Variants in NUTF2 observed in about 807,000 individuals in gnomAD.
The protein encoded by NUTF2 is placental protein 15.
In NUTF2, 3 loss-of-function variants were observed where a neutral mutation model predicts 18.5. The observed-to-expected ratio is 0.16, with a 90% CI of 0.07 to 0.42. The LOEUF is 0.42. NUTF2 is among the 10% of genes least tolerant of loss of function. The pLI is 0.99. For missense variants in NUTF2, 44 were observed against 160.7 expected, an observed-to-expected ratio of 0.27 and a Z score of 3.93; for synonymous variants, 51 against 57.9, an observed-to-expected ratio of 0.88 and a Z score of 0.54.
chr16:67,852,676 T>G (rs1391867396), intron 1 of NUTF2, among the ~76,000 whole-genome samples: 1 of 151,514 alleles, frequency 6.6e-6, no homozygotes, highest in African/African-American at 2.4e-5. Flanking sequence ...TTTATTTTAT[T>G]TCTTTATTTT....
intron 1 of NUTF2, among the ~76,000 whole-genome samples, chr16:67,857,200 G>A (rs1281155371): frequency 6.6e-6 from 1 of 152,206 alleles, no homozygotes; most frequent in African/African-American, 2.4e-5. Context: ...GAGCTGTGTA[G>A]AAGGAATGGG....
chr16:67,860,463 A>G (rs973228261), intron 1 of NUTF2, among the ~76,000 whole-genome samples: 2 of 151,906 alleles, frequency 1.3e-5, no homozygotes, highest in Non-Finnish European at 2.9e-5. Context: ...TTTTGTAGAT[A>G]TGGGGCTTTG....
chr16:67,848,332 C>A (rs1468025751), intron 1 of NUTF2, among the ~76,000 whole-genome samples: 1 of 152,202 alleles, frequency 6.6e-6, no homozygotes, highest in Non-Finnish European at 1.5e-5. Flanking sequence ...CCTGCAATCC[C>A]AGCACTTTGG....
chr16:67,854,929 G>A (rs1467320585), intron 1 of NUTF2, among the ~76,000 whole-genome samples: 1 of 152,030 alleles, frequency 6.6e-6, no homozygotes, highest in African/African-American at 2.4e-5. Context: ...GCGACAAAGG[G>A]AGATCTCTGT....
intron 1 of NUTF2, among the ~76,000 whole-genome samples, chr16:67,856,545 G>C (rs187626167): frequency 2.1e-5 from 3 of 144,378 alleles, no homozygotes; most frequent in African/African-American, 7.8e-5. Flanking sequence ...TTTTGCTCTC[G>C]TTGCCCAGGC....
At chr16:67,867,589 C>A (rs1567385218) in intron 2 of NUTF2, among the ~76,000 whole-genome samples, 2 of 152,126 alleles carry the variant, frequency 1.3e-5, no homozygotes, top group African/African-American at 4.8e-5. Context: ...CTATCTCTCC[C>A]TGACCCCATG....
In NUTF2 at chr16:67,872,295, CT is replaced by C. The variant is rs1405623849; in HGVS notation, c.*1383del. ...TGACATGTAAAAGGATACCCTTCCC[CT>C]GTCCCACTACGGGTGGAGGCTAAGG... On this transcript the variant is annotated 3_prime_UTR_variant, in exon 5 of 5. Coordinates refer to ENST00000219169, the MANE Select transcript of NUTF2 (RefSeq NM_005796.3). 1 of 152,254 alleles carries C rather than the reference CT, an allele frequency of 6.6e-6. No homozygotes were observed. Among genetic ancestry groups the C allele is most frequent in the Admixed American group, 6.5e-5 (1 of 15,280 alleles). 9.4% of individuals were successfully genotyped at this position (152,254 alleles called of 1,614,324 possible).
chr16:67,857,483 AG>A (rs758736001), intron 1 of NUTF2, among the ~76,000 whole-genome samples: 94 of 152,124 alleles, frequency 6.2e-4, no homozygotes, highest in South Asian at 1.0e-3. Flanking sequence ...GTGGCGGGCC[AG>A]GCAGTTTCCA....
chr16:67,856,212 T>C (rs888134191), intron 1 of NUTF2: 1 of 274,772 alleles, frequency 3.6e-6, no homozygotes, highest in Non-Finnish European at 7.0e-6. Context: ...TGTTGTTTTT[T>C]GAGACAGTCT....
chr16:67,870,782 TC>T lies in NUTF2; in HGVS notation c.271-17del, dbSNP rs770854537. ...GTTTCTTGATCCCCTTACTGAATCC[TC>T]TTTTCTCTCCTCATAGGCGGATGAA... On this transcript the variant is annotated splice_polypyrimidine_tract_variant and intron_variant, in intron 4 of 4. Transcript: ENST00000219169. 6.3e-7 allele frequency: 1 copy of T among 1,591,632 alleles called. No homozygotes were observed. Among genetic ancestry groups the T allele is most frequent in the Non-Finnish European group, 8.6e-7 (1 of 1,159,722 alleles).
chr16:67,853,602 C>T (rs1371761528), intron 1 of NUTF2, among the ~76,000 whole-genome samples: 3 of 151,974 alleles, frequency 2.0e-5, no homozygotes, highest in Non-Finnish European at 4.4e-5. Context: ...GTGATCTGCC[C>T]ACTCAGCCTT....
chr16:67,851,648 C>T (rs2057858592), intron 1 of NUTF2, among the ~76,000 whole-genome samples: 2 of 152,036 alleles, frequency 1.3e-5, no homozygotes, highest in African/African-American at 4.8e-5. Flanking sequence ...CTAATGCTAT[C>T]CCTCCCCGCT....
chr16:67,863,634 C>T (rs1007586387), intron 1 of NUTF2, among the ~76,000 whole-genome samples: 3 of 152,156 alleles, frequency 2.0e-5, no homozygotes, highest in African/African-American at 4.8e-5. Flanking sequence ...GGCTGAGGCC[C>T]TAAGAAGGGC....
Position 67,871,033 on chromosome 16 carries a change from C to T in NUTF2, c.*120C>T, listed in dbSNP as rs114906317. 4.5e-3 allele frequency: 3,124 copies of T among 699,852 alleles called. 31 individuals are homozygous for T. The highest frequency in any genetic ancestry group is 0.023 in the African/African-American group (1,298 of 56,340). The allele number at this position is 699,852 out of a possible 1,614,324, so 43.4% of individuals were successfully genotyped here. A position where few individuals can be genotyped will look rare whatever the true frequency, so the allele number is the denominator to read the frequency against. On this transcript the variant is annotated 3_prime_UTR_variant, in exon 5 of 5. Coordinates refer to ENST00000219169, the MANE Select transcript of NUTF2 (RefSeq NM_005796.3). The stretch of plus-strand genomic sequence containing the variant: ...TGAGCAGGGCCGCGGTGGGAGTGGG[C>T]GCAGTGCGCTGCTGCCACTGAGGTG...
chr16:67,870,785 T>C lies in NUTF2; in HGVS notation c.271-15T>C, dbSNP rs2058005859. The C allele has an allele frequency of 6.3e-7, 1 of 1,598,698 alleles. No individual in the cohort carries two copies. The highest frequency in any genetic ancestry group is 8.6e-7 in the Non-Finnish European group (1 of 1,166,180). The stretch of plus-strand genomic sequence containing the variant: ...TCTTGATCCCCTTACTGAATCCTCT[T>C]TTCTCTCCTCATAGGCGGATGAAGA... On this transcript the variant is annotated splice_polypyrimidine_tract_variant and intron_variant, in intron 4 of 4. Transcript: ENST00000219169.
intron 1 of NUTF2, among the ~76,000 whole-genome samples, chr16:67,863,947 C>T (rs139078589): frequency 2.0e-5 from 3 of 152,240 alleles, no homozygotes; most frequent in Admixed American, 6.5e-5. Context: ...CTCAGAGACC[C>T]GAGAGAGACA....
chr16:67,865,338 C>G, intron 2 of NUTF2, 109 bp downstream of exon 2: 1 of 717,442 alleles, frequency 1.4e-6, no homozygotes, highest in Non-Finnish European at 2.4e-6. Flanking sequence ...CTGGCTACAC[C>G]TCTGTATCTG....
In NUTF2 at chr16:67,868,494, C is replaced by T. The variant is rs879209417; in HGVS notation, c.172-7C>T. 82 of 1,614,002 alleles carry T rather than the reference C, an allele frequency of 5.1e-5. 1 individual carries two copies. The South Asian group carries it at 8.3e-4, about 16-fold the overall frequency. ...GGTTCTCCCACCTCCCACTCTCTCT[C>T]TTGTAGAGCCTTCCGTTCCAGAAAA... On this transcript the variant is annotated splice_region_variant and splice_polypyrimidine_tract_variant and intron_variant, in intron 3 of 4. Coordinates refer to ENST00000219169, the MANE Select transcript of NUTF2 (RefSeq NM_005796.3).
chr16:67,864,108 T>G (rs1398178880), intron 1 of NUTF2, among the ~76,000 whole-genome samples: 3 of 152,102 alleles, frequency 2.0e-5, no homozygotes, highest in Admixed American at 1.3e-4. Context: ...TAGGAGTCAC[T>G]CCCATCAATG....
Sources: gnomAD v4.1 joint callset for allele counts (sites outside exome capture counted in the v4.1 genomes callset) on GRCh38, gnomAD v4.1.1 for gene constraint, MANE v1.5 for transcripts, NCBI Gene and HGNC (gene_info 2026-07-23, HGNC 2026-07-21) for gene names.